Variants in FAM135B observed in about 807,000 individuals in gnomAD.
The protein encoded by FAM135B is family with sequence similarity 135 member B.
A neutral mutation model predicts 127.7 loss-of-function variants in FAM135B; 43 were observed. The observed-to-expected ratio is 0.34, with a 90% confidence interval of 0.26 to 0.43. The LOEUF is 0.43. Ranked by LOEUF, FAM135B falls within the 20% of genes least tolerant of loss-of-function variation. FAM135B has a pLI of 1.00. For missense variants in FAM135B, 1,558 were observed against 1,725.6 expected (o/e 0.90, Z 1.72); for synonymous variants, 670 against 665.1 (o/e 1.01, Z -0.11).
chr8:138,173,929 C>T (rs16908426), intron 11 of FAM135B, among the ~76,000 whole-genome samples: 9,563 of 152,230 alleles, frequency 0.063, 533 homozygotes, highest in East Asian at 0.17. Flanking sequence ...ATAAAACACA[C>T]CCTTGCTACT....
chr8:138,384,829 C>G (rs1002274184), intron 1 of FAM135B, among the ~76,000 whole-genome samples: 2 of 152,142 alleles, frequency 1.3e-5, no homozygotes, highest in Non-Finnish European at 2.9e-5. Context: ...CAAGCCCCCA[C>G]ACTGCATCTC....
chr8:138,409,184 A>G (rs1252720127), intron 1 of FAM135B, among the ~76,000 whole-genome samples: 1 of 152,100 alleles, frequency 6.6e-6, no homozygotes, highest in Non-Finnish European at 1.5e-5. Flanking sequence ...CTTAGAGGAC[A>G]CTGTAGGGTT....
intron 1 of FAM135B, among the ~76,000 whole-genome samples, chr8:138,455,228 C>T (rs961845105): frequency 1.3e-5 from 2 of 152,176 alleles, no homozygotes; most frequent in African/African-American, 2.4e-5. Context: ...CAAGCCATTA[C>T]ACTAGCTCTG....
chr8:138,365,444 C>G (rs1033176655), intron 2 of FAM135B, among the ~76,000 whole-genome samples: 4 of 152,106 alleles, frequency 2.6e-5, no homozygotes, highest in African/African-American at 9.7e-5. Flanking sequence ...TCTCAAGGCC[C>G]AATATCCATT....
rs28507660 is a variant in FAM135B at position 138,392,085 on chromosome 8, T to C, written c.-19-24083A>G. Among the ~76,000 whole-genome samples, 663 of 152,318 alleles carry C rather than the reference T, an allele frequency of 4.4e-3. 6 individuals carry two copies. The highest frequency in any genetic ancestry group is 0.015 in the African/African-American group (637 of 41,550). On this transcript the variant is annotated intron_variant, in intron 1 of 19. Coordinates refer to ENST00000395297, the MANE Select transcript of FAM135B (RefSeq NM_015912.4). ...TAATTGCATGGAACCAAATAACATA[T>C]GGAAACACCTGGCATGTTGAATGTC... is the stretch of plus-strand genomic sequence containing the variant.
chr8:138,247,669 C>G (rs909564878), intron 6 of FAM135B, among the ~76,000 whole-genome samples: 3 of 152,184 alleles, frequency 2.0e-5, no homozygotes, highest in African/African-American at 7.2e-5. Flanking sequence ...TTGGCATAAA[C>G]ACTTTGCATC....
intron 1 of FAM135B, among the ~76,000 whole-genome samples, chr8:138,431,561 G>C (rs1030070280): frequency 2.0e-5 from 3 of 152,170 alleles, no homozygotes; most frequent in Non-Finnish European, 4.4e-5. Context: ...TGTGACAATT[G>C]CATCTTCAAG....
intron 1 of FAM135B, among the ~76,000 whole-genome samples, chr8:138,402,433 G>A (rs1481749214): frequency 6.6e-6 from 1 of 152,092 alleles, no homozygotes; most frequent in Non-Finnish European, 1.5e-5. Flanking sequence ...GATGGCTTCT[G>A]TTTACTGTAG....
chr8:138,433,047 T>C (rs1421062738), intron 1 of FAM135B, among the ~76,000 whole-genome samples: 1 of 151,928 alleles, frequency 6.6e-6, no homozygotes, highest in Non-Finnish European at 1.5e-5. Context: ...AGCAGTCCAC[T>C]GTATACAGAT....
chr8:138,143,374 A>C (rs1817381206), intron 15 of FAM135B, among the ~76,000 whole-genome samples: 1 of 152,118 alleles, frequency 6.6e-6, no homozygotes, highest in African/African-American at 2.4e-5. Context: ...CGACTGCCAC[A>C]CCACGTGCCT....
chr8:138,468,266 A>G (rs1362541866), intron 1 of FAM135B, among the ~76,000 whole-genome samples: 2 of 152,214 alleles, frequency 1.3e-5, no homozygotes, highest in African/African-American at 4.8e-5. Context: ...TAGTAATGGA[A>G]CATTTCCATT....
chr8:138,316,041 A>G (rs1363062054), intron 2 of FAM135B, among the ~76,000 whole-genome samples: 1 of 152,224 alleles, frequency 6.6e-6, no homozygotes, highest in Non-Finnish European at 1.5e-5. Context: ...AAAATTTAAA[A>G]TAAAAAAAGA....
At chr8:138,380,376 T>C (rs542129793) in intron 1 of FAM135B, among the ~76,000 whole-genome samples, 53 of 152,092 alleles carry the variant, frequency 3.5e-4, no homozygotes, top group African/African-American at 1.1e-3. Context: ...TTTATATTAG[T>C]GGAGATGGGG....
rs1271633935 is a variant in FAM135B, at chr8:138,256,773, A to G, written c.298-14T>C. 1 of 1,610,574 alleles carries G rather than the reference A, an allele frequency of 6.2e-7. No individual in the cohort carries two copies. Among genetic ancestry groups the G allele is most frequent in the Admixed American group, 1.7e-5 (1 of 59,976 alleles). Reference sequence around the variant, plus strand: ...TGCGTCTTCCATCTGCAAAAGAAACAAAGTCCAAGGGATTTCAGGAGTCAA... The same window carrying G: ...TGCGTCTTCCATCTGCAAAAGAAACGAAGTCCAAGGGATTTCAGGAGTCAA... On this transcript the variant is annotated splice_polypyrimidine_tract_variant and intron_variant, in intron 4 of 19. Transcript: ENST00000395297.
At chr8:138,221,117 A>G (rs1818992614) in intron 7 of FAM135B, among the ~76,000 whole-genome samples, 1 of 152,230 alleles carries the variant, frequency 6.6e-6, no homozygotes, top group Admixed American at 6.5e-5. Context: ...CATTGCTAGA[A>G]AGAAATGCCT....
chr8:138,220,098 T>C (rs1486799575), intron 7 of FAM135B, among the ~76,000 whole-genome samples: 1 of 87,240 alleles, frequency 1.1e-5, no homozygotes, highest in Non-Finnish European at 2.7e-5. Flanking sequence ...CACGTGCTCA[T>C]GTGCAGAACT....
Position 138,195,278 on chromosome 8 carries a change from G to T in FAM135B, c.853C>A (p.Gln285Lys), listed in dbSNP as rs557966766. The T allele has an allele frequency of 6.2e-7, 1 of 1,613,910 alleles. No individual in the cohort carries two copies. The highest frequency in any genetic ancestry group is 1.3e-5 in the African/African-American group (1 of 75,038). ...ATTACCTGTAGCTCTGAGCACAGCT[G>T]AGAAAGTGTTTCTTCAACAGCAAGG... is the stretch of plus-strand genomic sequence containing the variant. ...EALAVEETLS[Q>K]LCSELQMLNN... The change falls in exon 9 of 20, where the codon CAG becomes AAG. Residue 285 changes from glutamine (Q) to lysine (K), a missense_variant. By Grantham distance (53) the Gln-to-Lys change is moderately conservative. Coordinates refer to ENST00000395297, the MANE Select transcript of FAM135B (RefSeq NM_015912.4).
intron 1 of FAM135B, among the ~76,000 whole-genome samples, chr8:138,476,395 A>G (rs1814440070): frequency 6.6e-6 from 1 of 152,080 alleles, no homozygotes; most frequent in African/African-American, 2.4e-5. Context: ...TAGGTTCATT[A>G]ATTATAAGAA....
intron 7 of FAM135B, among the ~76,000 whole-genome samples, chr8:138,206,157 G>C (rs926291897): frequency 8.4e-5 from 12 of 142,922 alleles, no homozygotes; most frequent in African/African-American, 3.2e-4. Flanking sequence ...GCACAGTTCA[G>C]TATCACCTCC....
Sources: allele counts gnomAD v4.1 joint callset (sites outside exome capture counted in the v4.1 genomes callset), GRCh38; gene constraint gnomAD v4.1.1; transcripts MANE v1.5; gene names NCBI Gene and HGNC (gene_info 2026-07-23, HGNC 2026-07-21).